The following ASB3 variants were observed in gnomAD, a reference collection of about 807,000 sequenced individuals.
The protein encoded by ASB3 is ankyrin repeat and SOCS box protein 3.
Under a neutral mutation model 54.5 loss-of-function variants are expected in ASB3, and 41 were observed. The ratio of observed to expected loss-of-function variants is 0.75; its 90% CI spans 0.59 to 0.98. ASB3 has a LOEUF of 0.98. ASB3 is among the 50% of genes least tolerant of loss of function. The pLI, the probability that ASB3 is intolerant of heterozygous loss-of-function variation, is 0.00. For missense variants in ASB3, 733 were observed against 620.0 expected, an observed-to-expected ratio of 1.18 and a Z score of -1.94; for synonymous variants, 266 against 221.2, an observed-to-expected ratio of 1.20 and a Z score of -1.80.
intron 1 of ASB3, among the ~76,000 whole-genome samples, chr2:53,770,636 G>C (rs1259505216): frequency 6.6e-6 from 1 of 150,440 alleles, no homozygotes; most frequent in East Asian, 2.0e-4. Flanking sequence ...ATCAGTCTTT[G>C]AAATGGGAGA....
chr2:53,679,924 T>C (rs1474004583), intron 9 of ASB3, among the ~76,000 whole-genome samples: 1 of 152,162 alleles, frequency 6.6e-6, no homozygotes, highest in Non-Finnish European at 1.5e-5. Flanking sequence ...CCACAGTGTC[T>C]GTTGTTCCCT....
At chr2:53,784,550 A>G (rs1445870399) in intron 1 of ASB3, among the ~76,000 whole-genome samples, 1 of 152,156 alleles carries the variant, frequency 6.6e-6, no homozygotes, top group African/African-American at 2.4e-5. Flanking sequence ...CTCTCTCTGA[A>G]AGCTCTAAAG....
intron 2 of ASB3, among the ~76,000 whole-genome samples, chr2:53,758,975 TG>T (rs1435599243): frequency 2.6e-5 from 4 of 152,196 alleles, no homozygotes; most frequent in Non-Finnish European, 4.4e-5. Flanking sequence ...ATGGCTATAT[TG>T]ATGTTTTACA....
chr2:53,761,127 T>C (rs1673120485), intron 2 of ASB3, among the ~76,000 whole-genome samples: 1 of 152,172 alleles, frequency 6.6e-6, no homozygotes, highest in South Asian at 2.1e-4. Flanking sequence ...CTGGATTTCC[T>C]AGGCAGACTA....
intron 1 of ASB3, among the ~76,000 whole-genome samples, chr2:53,766,044 T>C (rs1006477867): frequency 1.3e-5 from 2 of 152,060 alleles, no homozygotes; most frequent in African/African-American, 2.4e-5. Flanking sequence ...CAGCCCTCTA[T>C]AGGAAACAAC....
chr2:53,758,413 A>G (rs1672957358), intron 2 of ASB3, among the ~76,000 whole-genome samples: 1 of 152,204 alleles, frequency 6.6e-6, no homozygotes, highest in Admixed American at 6.5e-5. Flanking sequence ...CAAAAACTCT[A>G]CCTCAATCCT....
At chr2:53,687,319 TG>T (rs778867218) in intron 9 of ASB3, among the ~76,000 whole-genome samples, 3 of 151,980 alleles carry the variant, frequency 2.0e-5, no homozygotes, top group Non-Finnish European at 2.9e-5. Context: ...TAAGGTAGAA[TG>T]TAGGCAATGT....
chr2:53,725,948 C>A (rs907193306), intron 5 of ASB3, among the ~76,000 whole-genome samples: 1 of 151,364 alleles, frequency 6.6e-6, no homozygotes, highest in Non-Finnish European at 1.5e-5. Context: ...TTTTTTAATG[C>A]GTTATTTTGA....
intron 3 of ASB3, among the ~76,000 whole-genome samples, chr2:53,742,617 A>C (rs1307018266): frequency 6.6e-6 from 1 of 152,158 alleles, no homozygotes; most frequent in Non-Finnish European, 1.5e-5. Context: ...GAAATGATAT[A>C]ATTTAAACTG....
intron 7 of ASB3, among the ~76,000 whole-genome samples, chr2:53,711,230 C>A (rs763567227): frequency 2.0e-5 from 3 of 152,100 alleles, no homozygotes; most frequent in Non-Finnish European, 2.9e-5. Flanking sequence ...TTAGGGTATC[C>A]GCTTCTCCAA....
chr2:53,685,615 T>C (rs963017372), intron 9 of ASB3, among the ~76,000 whole-genome samples: 5 of 152,190 alleles, frequency 3.3e-5, no homozygotes, highest in African/African-American at 4.8e-5. Flanking sequence ...CAAAGAAATA[T>C]ATGTGGTATG....
chr2:53,695,014 C>G (rs867671106), intron 8 of ASB3, among the ~76,000 whole-genome samples: 7 of 151,836 alleles, frequency 4.6e-5, no homozygotes, highest in African/African-American at 1.7e-4. Context: ...TCAATTAGAC[C>G]CCCCCTACCA....
chr2:53,713,118 T>C (rs1670197201), intron 7 of ASB3, among the ~76,000 whole-genome samples: 1 of 152,194 alleles, frequency 6.6e-6, no homozygotes, highest in African/African-American at 2.4e-5. Flanking sequence ...GGCAGACAGA[T>C]CACTTGAGGC....
At chr2:53,746,482 TTTC>T in intron 3 of ASB3, among the ~76,000 whole-genome samples, 1 of 143,248 alleles carries the variant, frequency 7.0e-6, no homozygotes, top group African/African-American at 2.7e-5. Flanking sequence ...TGGGGGGTTT[TTTC>T]TTTTTTTTTT....
chr2:53,722,053 G>A (rs1384753233), intron 5 of ASB3, among the ~76,000 whole-genome samples: 1 of 151,858 alleles, frequency 6.6e-6, no homozygotes. Flanking sequence ...AGACTATTAC[G>A]AACACCTCAA....
At chr2:53,693,472 T>C (rs1209688158) in intron 9 of ASB3, among the ~76,000 whole-genome samples, 2 of 152,168 alleles carry the variant, frequency 1.3e-5, no homozygotes, top group Non-Finnish European at 2.9e-5. Flanking sequence ...CATTTCCTTT[T>C]AGATATGATA....
At chr2:53,727,837 T>A (rs1231846849) in intron 5 of ASB3, among the ~76,000 whole-genome samples, 1 of 152,246 alleles carries the variant, frequency 6.6e-6, no homozygotes, top group South Asian at 2.1e-4. Context: ...GCAATTCTCA[T>A]GTCTCAGCTT....
intron 7 of ASB3, among the ~76,000 whole-genome samples, chr2:53,707,176 G>C (rs570225410): frequency 5.3e-5 from 8 of 152,282 alleles, no homozygotes; most frequent in African/African-American, 1.7e-4. Context: ...AGCATTTGAA[G>C]GGTGGCTAGG....
At chr2:53,758,533 C>T (rs1260789939) in intron 2 of ASB3, among the ~76,000 whole-genome samples, 1 of 152,136 alleles carries the variant, frequency 6.6e-6, no homozygotes, top group Non-Finnish European at 1.5e-5. Context: ...ACTCAGGAAC[C>T]CAGCCCAGCT....
Sources: gnomAD v4.1 joint callset for allele counts (sites outside exome capture counted in the v4.1 genomes callset) on GRCh38, gnomAD v4.1.1 for gene constraint, MANE v1.5 for transcripts, NCBI Gene and HGNC (gene_info 2026-07-23, HGNC 2026-07-21) for gene names.